The following MED24 variants were observed in gnomAD, a reference collection of about 807,000 sequenced individuals.
MED24 encodes mediator complex subunit 24.
MED24 carries 74 observed loss-of-function variants against 118.8 expected under a neutral mutation model. The observed-to-expected ratio is 0.62, with a 90% CI of 0.52 to 0.76. The LOEUF (loss-of-function observed/expected upper bound fraction) is 0.76, where lower values mean the gene tolerates loss of function less well. Among genes scored for constraint, MED24 ranks in the 30% least tolerant of loss-of-function variants. The probability of loss-of-function intolerance (pLI) is 0.00; values close to 1 mark genes in which losing one functional copy is unlikely to be tolerated. For synonymous variants in MED24, 521 were observed against 523.9 expected (o/e 0.99, Z 0.08); for missense variants, 1,041 against 1,278.9 (o/e 0.81, Z 2.84).
In MED24 at chr17:40,032,076, C is replaced by T; in HGVS notation, c.951G>A (p.Leu317=). The stretch of plus-strand genomic sequence containing the variant: ...CATGAGAGTACTTCTTCAACTTCAC[C>T]AAAACCTGTGGAATCTAGGGGGTGA... The part of the protein sequence containing the change: ...AFTFLKIPQV[L]VKLKKYSHGD... Residue 317 remains leucine, a synonymous_variant, in exon 10 of 26, where the codon TTG becomes TTA. Coordinates refer to ENST00000394128, the MANE Select transcript of MED24 (RefSeq NM_014815.4). The T allele has an allele frequency of 6.2e-7, 1 of 1,613,724 alleles. No individual in the cohort carries two copies. Among genetic ancestry groups the T allele is most frequent in the Non-Finnish European group, 8.5e-7 (1 of 1,179,860 alleles).
intron 24 of MED24, 62 bp downstream of exon 24, chr17:40,020,211 C>T: frequency 2.8e-6 from 4 of 1,419,294 alleles, no homozygotes; most frequent in Non-Finnish European, 2.8e-6. Flanking sequence ...CTCCCAGCCT[C>T]CATGAGAAGA....
chr17:40,039,649 T>C (rs1200732394), intron 3 of MED24, among the ~76,000 whole-genome samples: 1 of 152,208 alleles, frequency 6.6e-6, no homozygotes, highest in African/African-American at 2.4e-5. Flanking sequence ...CTTCTATTGG[T>C]CTGTTTGTTG....
chr17:40,040,679 C>T lies in MED24; in HGVS notation c.214-4525G>A, dbSNP rs541503545. Reference sequence around the variant, plus strand: ...TGTTGCCCAGGCTGGAGTGCAGTAGCGCGATCTCGGCTCACTGCAACCTCC... The same window carrying T: ...TGTTGCCCAGGCTGGAGTGCAGTAGTGCGATCTCGGCTCACTGCAACCTCC... On this transcript the variant is annotated intron_variant, in intron 3 of 25. Coordinates refer to ENST00000394128, the MANE Select transcript of MED24 (RefSeq NM_014815.4). 3.3e-5 allele frequency among the ~76,000 whole-genome samples: 5 copies of T among 150,730 alleles called. No homozygotes were observed. In the South Asian group the frequency reaches 6.3e-4, roughly 19 times the overall value.
intron 11 of MED24, 111 bp from the exon 12 acceptor site, chr17:40,031,356 G>A: frequency 1.6e-6 from 2 of 1,279,076 alleles, no homozygotes; most frequent in Non-Finnish European, 2.2e-6. Flanking sequence ...AGGAAAATCT[G>A]GAGTGCCTGA....
In MED24 at chr17:40,049,816, AC is replaced by A. The variant is rs559257039; in HGVS notation, c.213+3481del. ...CTGGGATTAAGGCGTGAGCCACCAC[AC>A]CCCACCTTAATTTTTCGACTTTATG... On this transcript the variant is annotated intron_variant, in intron 3 of 25. Transcript: ENST00000394128. Among the ~76,000 whole-genome samples, 11 of 150,788 alleles carry A rather than the reference AC, an allele frequency of 7.3e-5. No individual in the cohort carries two copies. The East Asian group carries it at 2.0e-3, about 28-fold the overall frequency.
At chr17:40,036,004 G>A in intron 4 of MED24, 112 bp downstream of exon 4, 1 of 1,275,250 alleles carries the variant, frequency 7.8e-7, no homozygotes, top group Non-Finnish European at 1.1e-6. Context: ...ATGCCAGCCA[G>A]AGGCATCATG....
chr17:40,045,491 T>C (rs1355114970), intron 3 of MED24, among the ~76,000 whole-genome samples: 2 of 148,286 alleles, frequency 1.3e-5, no homozygotes, highest in East Asian at 4.0e-4. Flanking sequence ...TGGAATATTA[T>C]GTAGCAGTGG....
chr17:40,028,272 C>G (rs750272730), intron 14 of MED24, among the ~76,000 whole-genome samples: 56 of 152,130 alleles, frequency 3.7e-4, no homozygotes, highest in Admixed American at 7.2e-4. Flanking sequence ...GCCACCACAC[C>G]CGGCTAATTT....
At chr17:40,045,769 C>G (rs1304875619) in intron 3 of MED24, among the ~76,000 whole-genome samples, 1 of 152,172 alleles carries the variant, frequency 6.6e-6, no homozygotes, top group East Asian at 1.9e-4. Flanking sequence ...AAGCAAGGAT[C>G]CTGACTCTAC....
chr17:40,019,581 A>G lies in MED24; in HGVS notation c.2918T>C (p.Leu973Pro). 6.2e-7 allele frequency: 1 copy of G among 1,612,354 alleles called. No homozygotes were observed. Among genetic ancestry groups the G allele is most frequent in the Non-Finnish European group, 8.5e-7 (1 of 1,179,260 alleles). Reference protein sequence around the residue: ...SPKVVLAITDLSLPLGRQVAA... With the variant: ...SPKVVLAITDPSLPLGRQVAA... ...CACCTGGCGGCCCAGGGGCAGGCTG[A>G]GGTCCGTGATGGCCAGAACCACCTT... is the stretch of plus-strand genomic sequence containing the variant. The change falls in exon 26 of 26, where the codon CTC becomes CCC. Residue 973 changes from leucine (L) to proline (P), a missense_variant. Physicochemically the swap from Leu to Pro is moderately conservative, Grantham distance 98. Coordinates refer to ENST00000394128, the MANE Select transcript of MED24 (RefSeq NM_014815.4).
At chr17:40,028,105 T>C (rs1304588610) in intron 14 of MED24, 159 bp from the exon 15 acceptor site, 1 of 751,100 alleles carries the variant, frequency 1.3e-6, no homozygotes, top group Non-Finnish European at 2.2e-6. Flanking sequence ...TTTGTGGTTT[T>C]TGTTTTTTGT....
At position 40,033,778 on chromosome 17, in the gene MED24, C is replaced by G; in HGVS notation, c.560-322G>C. 1 of 514,940 alleles carries G rather than the reference C, an allele frequency of 1.9e-6. No homozygotes were observed. The highest frequency in any genetic ancestry group is 3.8e-6 in the Non-Finnish European group (1 of 265,868). The allele number at this position is 514,940 out of a possible 1,614,324, so 31.9% of individuals were successfully genotyped here. A position where few individuals can be genotyped will look rare whatever the true frequency, so the allele number is the denominator to read the frequency against. On this transcript the variant is annotated intron_variant, in intron 6 of 25. Transcript: ENST00000394128. This position sits in a 1 kb window ranked among gnomAD's most constrained non-coding sequence, Gnocchi z 5.2. ...GGAGGCCAGAATCCAGTGGCTGGAA[C>G]AGGGAGGGCGGCCACAAATCACTCG...
chr17:40,025,480 T>C (rs1982537031), intron 19 of MED24, among the ~76,000 whole-genome samples: 2 of 152,012 alleles, frequency 1.3e-5, no homozygotes, highest in Admixed American at 6.6e-5. Context: ...AAGTATAAAG[T>C]AGTCAAATTC....
At chr17:40,024,932 C>T (rs1321435510) in intron 19 of MED24, among the ~76,000 whole-genome samples, 3 of 152,066 alleles carry the variant, frequency 2.0e-5, no homozygotes, top group Admixed American at 6.5e-5. Flanking sequence ...GCCAAGGTTT[C>T]ACCATGTTGG....
intron 6 of MED24, 65 bp downstream of exon 6, chr17:40,035,052 T>C: frequency 1.9e-6 from 3 of 1,610,174 alleles, no homozygotes; most frequent in Non-Finnish European, 2.5e-6. Flanking sequence ...GCCTCTCCCT[T>C]CTCAATTAAA....
intron 6 of MED24, chr17:40,034,854 C>G: frequency 4.2e-6 from 1 of 240,110 alleles, no homozygotes; most frequent in Non-Finnish European, 8.5e-6. Context: ...TTTGGTAGCC[C>G]CCCACCCCCC....
intron 3 of MED24, among the ~76,000 whole-genome samples, chr17:40,046,581 T>TA (rs1985239055): frequency 1.4e-5 from 2 of 144,290 alleles, no homozygotes; most frequent in Admixed American, 1.4e-4. Context: ...CCGTCTCTAC[T>TA]AAAAAATACA....
intron 19 of MED24, among the ~76,000 whole-genome samples, 162 bp downstream of exon 19, chr17:40,025,994 A>G (rs1268451120): frequency 6.6e-6 from 1 of 152,206 alleles, no homozygotes; most frequent in African/African-American, 2.4e-5. Context: ...GACACAGTAC[A>G]TGTTTGCTGA....
Position 40,032,679 on chromosome 17 carries a change from C to A in MED24, c.906G>T (p.Glu302Asp), listed in dbSNP as rs766982950. The part of the protein sequence containing the change: ...GLIESPEGTE[E>D]LKWTAFTFLK... ...GGAAAGTGAAAGCTGTCCACTTGAG[C>A]TCCTCCGTACCCTCGGGAGACTCAA... Residue 302 changes from glutamate (E) to aspartate (D), a missense_variant, in exon 9 of 26, where the codon GAG becomes GAT. Glu to Asp is a conservative substitution (Grantham distance 45, BLOSUM62 2). Around this residue, in one of 3 missense-constraint regions of MED24, gnomAD observed 434 missense variants for 514.9 expected, o/e 0.84. Coordinates refer to ENST00000394128, the MANE Select transcript of MED24 (RefSeq NM_014815.4). 2.5e-6 allele frequency: 4 copies of A among 1,613,856 alleles called. No individual in the cohort carries two copies. The highest frequency in any genetic ancestry group is 3.4e-6 in the Non-Finnish European group (4 of 1,179,912).
Sources: allele counts gnomAD v4.1 joint callset (sites outside exome capture counted in the v4.1 genomes callset), GRCh38; gene constraint gnomAD v4.1.1; regional missense constraint gnomAD v4.1.1; non-coding constraint Gnocchi (gnomAD v3.1); transcripts MANE v1.5; gene names NCBI Gene and HGNC (gene_info 2026-07-23, HGNC 2026-07-21).